Variants in CLCN5 observed in about 807,000 individuals in gnomAD.
The protein encoded by CLCN5 is Cl-/H+ antiporter 5.
Under a neutral mutation model 54.0 loss-of-function variants are expected in CLCN5, and 17 were observed. The observed-to-expected ratio is 0.31, with a 90% CI of 0.22 to 0.47. The LOEUF (loss-of-function observed/expected upper bound fraction) is 0.47. CLCN5 is among the 20% of genes least tolerant of loss of function. The probability of loss-of-function intolerance (pLI) is 1.00; values close to 1 mark genes in which losing one functional copy is unlikely to be tolerated. For synonymous variants in CLCN5, 222 were observed against 233.0 expected (o/e 0.95, Z 0.43); for missense variants, 448 against 646.7 (o/e 0.69, Z 3.33).
intron 3 of CLCN5, among the ~76,000 whole-genome samples, chrX:49,987,644 T>C (rs1347986687): frequency 8.9e-6 from 1 of 111,756 alleles, no homozygotes. Context: ...GGTGTTGTAA[T>C]TGTCAACTTT....
At chrX:49,984,789 AT>A (rs1357776924) in intron 3 of CLCN5, among the ~76,000 whole-genome samples, 1 of 108,808 alleles carries the variant, frequency 9.2e-6, no homozygotes, top group African/African-American at 3.3e-5. Flanking sequence ...TATTTAAAAA[AT>A]TTTTTTTTGT....
chrX:50,049,245 A>G (rs1193498669), intron 4 of CLCN5, among the ~76,000 whole-genome samples: 3 of 112,145 alleles, frequency 2.7e-5, no homozygotes, highest in African/African-American at 9.7e-5. Context: ...CTATGTTTAG[A>G]CACATACTTA....
intron 3 of CLCN5, among the ~76,000 whole-genome samples, chrX:49,942,703 C>T (rs1227479469): frequency 9.1e-6 from 1 of 109,799 alleles, no homozygotes; most frequent in African/African-American, 3.3e-5. Flanking sequence ...TGGTTTCCAG[C>T]TTCATCCATG....
At chrX:50,078,599 G>A in intron 7 of CLCN5, among the ~76,000 whole-genome samples, 1 of 112,409 alleles carries the variant, frequency 8.9e-6, no homozygotes, top group Non-Finnish European at 1.9e-5. Flanking sequence ...TTGCCATTTT[G>A]TCCTATGTGG....
chrX:50,090,446 T>C lies in CLCN5; in HGVS notation c.2075T>C (p.Val692Ala). The C allele has an allele frequency of 8.3e-7, 1 of 1,209,633 alleles. No homozygotes were observed. The highest frequency in any genetic ancestry group is 1.1e-6 in the Non-Finnish European group (1 of 894,097). ...ISETTYSGFP[V>A]VVSRESQRLV... is the part of the protein sequence containing the mutation. Reference sequence around the variant, plus strand: ...GAAACCACTTACAGTGGCTTCCCAGTGGTGGTATCCCGGGAGTCCCAAAGA... The same window carrying C: ...GAAACCACTTACAGTGGCTTCCCAGCGGTGGTATCCCGGGAGTCCCAAAGA... Residue 692 changes from valine to alanine, a missense_variant, in exon 13 of 15, where the codon GTG becomes GCG. This residue lies in a region of CLCN5 where 297 missense variants were observed against 470.4 expected (regional missense o/e 0.63). Coordinates refer to ENST00000376091, the MANE Select transcript of CLCN5 (RefSeq NM_001127898.4).
chrX:49,953,654 T>C (rs1927168006), intron 3 of CLCN5, among the ~76,000 whole-genome samples: 1 of 112,442 alleles, frequency 8.9e-6, no homozygotes, highest in African/African-American at 3.2e-5. Flanking sequence ...ACGAGTTATT[T>C]AATTAATCCA....
At chrX:49,970,397 C>G (rs964727134) in intron 3 of CLCN5, among the ~76,000 whole-genome samples, 1 of 110,730 alleles carries the variant, frequency 9.0e-6, no homozygotes, top group Non-Finnish European at 1.9e-5. Context: ...AACACTATGC[C>G]CATTAGTAGT....
intron 3 of CLCN5, among the ~76,000 whole-genome samples, chrX:49,969,026 C>G (rs1928058394): frequency 9.1e-6 from 1 of 110,411 alleles, no homozygotes; most frequent in East Asian, 2.8e-4. Context: ...CTTTTCATCT[C>G]TTAAATTTCT....
Position 50,097,969 on chromosome X carries a change from G to A in CLCN5, c.*5750G>A, listed in dbSNP as rs1557195946. ...AAATCGAGAAGAGAGTGTGGCCTGAGAGGGGAATGTTCAGCCTCACTGTCA... is the reference window on the plus strand; with the variant it reads ...AAATCGAGAAGAGAGTGTGGCCTGAAAGGGGAATGTTCAGCCTCACTGTCA... On this transcript the variant is annotated 3_prime_UTR_variant, in exon 15 of 15. Transcript: ENST00000376091. 8.9e-6 allele frequency: 1 copy of A among 112,417 alleles called. No individual in the cohort carries two copies. The highest frequency in any genetic ancestry group is 1.9e-5 in the Non-Finnish European group (1 of 53,233). 9.3% of individuals were successfully genotyped at this position (112,417 alleles called of 1,213,427 possible). A position where few individuals can be genotyped will look rare whatever the true frequency, so the allele number is the denominator to read the frequency against.
At chrX:50,081,936 T>C in intron 9 of CLCN5, 89 bp downstream of exon 9, 2 of 834,985 alleles carry the variant, frequency 2.4e-6, no homozygotes, top group South Asian at 4.4e-5. Context: ...GTTCTACCAA[T>C]GTTAATGCAA....
At chrX:49,925,818 G>A (rs186503367) in intron 3 of CLCN5, among the ~76,000 whole-genome samples, 1 of 112,272 alleles carries the variant, frequency 8.9e-6, no homozygotes, top group Non-Finnish European at 1.9e-5. Context: ...GAAAACGCCT[G>A]TTTTAATAAT....
chrX:50,084,394 T>G (rs904407599), intron 9 of CLCN5, among the ~76,000 whole-genome samples: 6 of 111,245 alleles, frequency 5.4e-5, no homozygotes, highest in African/African-American at 1.3e-4. Flanking sequence ...TTTTGTTTTT[T>G]TTTTGGAGAC....
intron 7 of CLCN5, among the ~76,000 whole-genome samples, chrX:50,077,617 AGAGAGTGTGT>A (rs1464175540): frequency 2.2e-5 from 2 of 91,405 alleles, no homozygotes; most frequent in African/African-American, 9.3e-5. Flanking sequence ...AGAGAGAGAG[AGAGAGTGTGT>A]GTGTGTGTGT....
chrX:49,939,231 G>T (rs1375070593), intron 3 of CLCN5, among the ~76,000 whole-genome samples: 1 of 111,010 alleles, frequency 9.0e-6, no homozygotes, highest in Non-Finnish European at 1.9e-5. Context: ...TCAGTGTGGC[G>T]ATTCCTCAGG....
chrX:50,063,994 T>C (rs1932915671), intron 4 of CLCN5, among the ~76,000 whole-genome samples: 1 of 108,084 alleles, frequency 9.3e-6, no homozygotes, highest in Admixed American at 9.9e-5. Context: ...AAATTAGGTA[T>C]TGATGGGACG....
chrX:50,088,342 A>G lies in CLCN5; in HGVS notation c.1558-356A>G, dbSNP rs149163391. Reference sequence around the variant, plus strand: ...CAATAAAGGGTAGTCATTGTTGATAAGAATTCAAAATTGGTGGAAATGTCT... The same window carrying G: ...CAATAAAGGGTAGTCATTGTTGATAGGAATTCAAAATTGGTGGAAATGTCT... On this transcript the variant is annotated intron_variant, in intron 11 of 14. Coordinates refer to ENST00000376091, the MANE Select transcript of CLCN5 (RefSeq NM_001127898.4). 309 of 227,077 alleles carry G rather than the reference A, an allele frequency of 1.4e-3. 1 individual carries two copies. Among genetic ancestry groups the G allele is most frequent in the South Asian group, 0.01 (139 of 13,813 alleles). 18.7% of individuals were successfully genotyped at this position (227,077 alleles called of 1,213,427 possible). A position where few individuals can be genotyped will look rare whatever the true frequency, so the allele number is the denominator to read the frequency against.
At chrX:49,997,318 T>C (rs946875226) in intron 3 of CLCN5, among the ~76,000 whole-genome samples, 8 of 110,672 alleles carry the variant, frequency 7.2e-5, no homozygotes, top group Non-Finnish European at 1.5e-4. Flanking sequence ...TTTTCAGGAG[T>C]TATTTATCTA....
chrX:49,945,140 C>T (rs1286085479), intron 3 of CLCN5, among the ~76,000 whole-genome samples: 1 of 111,865 alleles, frequency 8.9e-6, no homozygotes, highest in East Asian at 2.8e-4. Flanking sequence ...CTCCTAATTC[C>T]TTAAGTAGAG....
chrX:50,067,261 C>T (rs1301664061), intron 4 of CLCN5, among the ~76,000 whole-genome samples: 2 of 111,781 alleles, frequency 1.8e-5, no homozygotes, highest in Non-Finnish European at 3.8e-5. Flanking sequence ...ACCCACGTTG[C>T]TGCTATCTAG....
Sources: allele counts gnomAD v4.1 joint callset (sites outside exome capture counted in the v4.1 genomes callset), GRCh38; gene constraint gnomAD v4.1.1; regional missense constraint gnomAD v4.1.1; transcripts MANE v1.5; gene names NCBI Gene and HGNC (gene_info 2026-07-23, HGNC 2026-07-21).